Variants in EEA1 observed in about 807,000 individuals in gnomAD.
EEA1 encodes early endosome antigen 1.
EEA1 carries 111 observed loss-of-function variants against 209.2 expected under a neutral mutation model. That is an observed-to-expected ratio of 0.53 (90% CI 0.45 to 0.62). The LOEUF (loss-of-function observed/expected upper bound fraction) is 0.62. EEA1 is among the 20% of genes least tolerant of loss of function. EEA1 has a pLI of 0.00. For synonymous variants in EEA1, 536 were observed against 540.6 expected (o/e 0.99, Z 0.12); for missense variants, 1,343 against 1,530.8 (o/e 0.88, Z 2.05).
At chr12:92,865,656 T>G (rs887386743) in intron 2 of EEA1, among the ~76,000 whole-genome samples, 2 of 152,102 alleles carry the variant, frequency 1.3e-5, no homozygotes, top group African/African-American at 4.8e-5. Flanking sequence ...TTTACAAATT[T>G]TAGGTTGCAA....
Position 92,771,280 on chromosome 12 carries a change from A to G in EEA1, c.*4731T>C, listed in dbSNP as rs968851263. 2 of 152,094 alleles carry G rather than the reference A, an allele frequency of 1.3e-5. No homozygotes were observed. The highest frequency in any genetic ancestry group is 4.8e-5 in the African/African-American group (2 of 41,446). 9.4% of individuals were successfully genotyped at this position (152,094 alleles called of 1,614,324 possible). ...TTGGCTGCAAGACAACTGAAGCCTT[A>G]GCTGATTTTGTTAAGCTGAAGAATG... On this transcript the variant is annotated 3_prime_UTR_variant, in exon 29 of 29. Coordinates refer to ENST00000322349, the MANE Select transcript of EEA1 (RefSeq NM_003566.4).
At chr12:92,845,131 C>T (rs1418161136) in intron 9 of EEA1, among the ~76,000 whole-genome samples, 1 of 151,950 alleles carries the variant, frequency 6.6e-6, no homozygotes, top group Non-Finnish European at 1.5e-5. Context: ...ACACTTTGTA[C>T]AACAAATTTG....
intron 1 of EEA1, among the ~76,000 whole-genome samples, chr12:92,925,181 C>CAAA (rs796274410): frequency 0.027 from 3,212 of 119,770 alleles, 142 homozygotes; most frequent in African/African-American, 0.085. Context: ...AAAGATGTCT[C>CAAA]AAAAAAAAAA....
In EEA1 at chr12:92,842,553, A is replaced by T. The variant is rs1877212321; in HGVS notation, c.827T>A (p.Leu276His). The T allele has an allele frequency of 6.2e-7, 1 of 1,605,994 alleles. No homozygotes were observed. Among genetic ancestry groups the T allele is most frequent in the South Asian group, 1.1e-5 (1 of 88,812 alleles). The change falls in exon 10 of 29, where the codon CTT (leucine) becomes CAT (histidine). Residue 276 changes from leucine to histidine, a missense_variant. Leu to His is a moderately conservative substitution (Grantham distance 99). This residue lies in a region of EEA1 where 1,307 missense variants were observed against 1,465.5 expected (regional missense o/e 0.89). Coordinates refer to ENST00000322349, the MANE Select transcript of EEA1 (RefSeq NM_003566.4). ...AGCAACTTCCTGGGGGCCTTTGGCA[A>T]GTTCACTCCTTAGCTGGCTTATTGT... Reference protein sequence around the residue: ...EATISQLRSELAKGPQEVAVY... With the variant: ...EATISQLRSEHAKGPQEVAVY...
intron 1 of EEA1, among the ~76,000 whole-genome samples, chr12:92,916,947 G>A (rs1335671148): frequency 2.0e-5 from 3 of 151,560 alleles, no homozygotes; most frequent in Non-Finnish European, 4.4e-5. Context: ...CGTGAAGAAC[G>A]CAGAAGCCTC....
intron 3 of EEA1, chr12:92,858,375 T>TTTGA: frequency 9.8e-7 from 1 of 1,020,968 alleles, no homozygotes; most frequent in Non-Finnish European, 1.5e-6. Context: ...TTCCAAAGGG[T>TTTGA]TTGACTACAA....
In EEA1 at chr12:92,816,259, T is replaced by C. The variant is rs745442360; in HGVS notation, c.1870A>G (p.Asn624Asp). 6.2e-7 allele frequency: 1 copy of C among 1,613,880 alleles called. No homozygotes were observed. The highest frequency in any genetic ancestry group is 8.5e-7 in the Non-Finnish European group (1 of 1,179,888). ...TCATTTAATTGACTATTTAATTCAT[T>C]GACACTAGTTTCTAGGGAAAGGACA... is the stretch of plus-strand genomic sequence containing the variant. ...DRVLSLETSV[N>D]ELNSQLNESK... Residue 624 changes from asparagine (N) to aspartate (D), a missense_variant, in exon 15 of 29, where the codon AAT becomes GAT. This residue lies in a region of EEA1 where 1,307 missense variants were observed against 1,465.5 expected (regional missense o/e 0.89). Transcript: ENST00000322349.
At chr12:92,806,961 G>A (rs770849552) in intron 18 of EEA1, among the ~76,000 whole-genome samples, 6 of 148,676 alleles carry the variant, frequency 4.0e-5, no homozygotes, top group South Asian at 2.1e-4. Flanking sequence ...TTTTTGAGAC[G>A]GAGTCTCGCT....
Position 92,864,866 on chromosome 12 carries a change from A to G in EEA1, c.239T>C (p.Leu80Ser). ...CAAAATTATCATACCGTACCGCTTCAAAGCAAGATTAGACTCTCCTCCATG... is the reference window on the plus strand; with the variant it reads ...CAAAATTATCATACCGTACCGCTTCGAAGCAAGATTAGACTCTCCTCCATG... ...SGHGGESNLA[L>S]KRDDVTLLRQ... The change falls in exon 3 of 29, where the codon TTG becomes TCG. Residue 80 changes from leucine to serine, a missense_variant. Transcript: ENST00000322349. 2 of 1,597,042 alleles carry G rather than the reference A, an allele frequency of 1.3e-6. No individual in the cohort carries two copies. Among genetic ancestry groups the G allele is most frequent in the Non-Finnish European group, 1.7e-6 (2 of 1,173,570 alleles).
intron 5 of EEA1, among the ~76,000 whole-genome samples, chr12:92,854,293 T>G (rs1592738038): frequency 2.6e-5 from 4 of 152,356 alleles, no homozygotes; most frequent in Admixed American, 2.6e-4. Context: ...AAACAAATAC[T>G]TAAGTCAACT....
At chr12:92,864,654 C>T (rs182015599) in intron 3 of EEA1, among the ~76,000 whole-genome samples, 86 of 152,038 alleles carry the variant, frequency 5.7e-4, no homozygotes, top group African/African-American at 1.6e-3. Context: ...ACCTATGTAC[C>T]GTATTGTACT....
chr12:92,927,956 G>A (rs1223429297), intron 1 of EEA1, among the ~76,000 whole-genome samples: 2 of 152,166 alleles, frequency 1.3e-5, no homozygotes, highest in South Asian at 4.1e-4. Flanking sequence ...GCAGAAGCAA[G>A]AGCACTCCCT....
At chr12:92,867,401 T>C (rs1435603030) in intron 2 of EEA1, among the ~76,000 whole-genome samples, 3 of 152,140 alleles carry the variant, frequency 2.0e-5, no homozygotes, top group Non-Finnish European at 4.4e-5. Flanking sequence ...CATACTATAT[T>C]TTTCTATATT....
Position 92,814,854 on chromosome 12 carries a change from T to C in EEA1, c.1929+1346A>G, listed in dbSNP as rs188489763. Reference sequence around the variant, plus strand: ...AAAGGTGTATTATGGAACTTTAAACTGAGAAACAGCTTAAAAGCCTCATTT... The same window carrying C: ...AAAGGTGTATTATGGAACTTTAAACCGAGAAACAGCTTAAAAGCCTCATTT... On this transcript the variant is annotated intron_variant, in intron 15 of 28. Transcript: ENST00000322349. 5.3e-5 allele frequency among the ~76,000 whole-genome samples: 8 copies of C among 152,278 alleles called. No individual in the cohort carries two copies. In the East Asian group the frequency reaches 1.5e-3, roughly 29 times the overall value.
intron 1 of EEA1, among the ~76,000 whole-genome samples, chr12:92,903,189 G>A (rs1340522033): frequency 1.3e-5 from 2 of 151,480 alleles, no homozygotes; most frequent in African/African-American, 4.9e-5. Flanking sequence ...CGCCCACCTC[G>A]GCCTCCCAAA....
chr12:92,803,809 AT>A (rs1467938068), intron 18 of EEA1, among the ~76,000 whole-genome samples: 1 of 152,114 alleles, frequency 6.6e-6, no homozygotes, highest in Non-Finnish European at 1.5e-5. Flanking sequence ...TACTAATATT[AT>A]TTTACATTTT....
chr12:92,894,254 C>G (rs141263414), intron 1 of EEA1, among the ~76,000 whole-genome samples: 1 of 152,208 alleles, frequency 6.6e-6, no homozygotes, highest in African/African-American at 2.4e-5. Context: ...TCTCTCCCTT[C>G]TCCTTGAGCC....
At position 92,799,071 on chromosome 12, in the gene EEA1, T is replaced by G. The variant is rs1874782953; in HGVS notation, c.2788A>C (p.Lys930Gln). Reference sequence around the variant, plus strand: ...TCCTGCATTGAATTGAGTTCCAATTTCAACTGATGAGAAGCCTGAAAGAAA... The same window carrying G: ...TCCTGCATTGAATTGAGTTCCAATTGCAACTGATGAGAAGCCTGAAAGAAA... The part of the protein sequence containing the change: ...EKEKEASHQL[K>Q]LELNSMQEQL... The change falls in exon 21 of 29, where the codon AAA becomes CAA. Residue 930 changes from lysine (K) to glutamine (Q), a missense_variant. Lys to Gln is a moderately conservative substitution (Grantham distance 53, BLOSUM62 1). Transcript: ENST00000322349. The G allele has an allele frequency of 6.3e-7, 1 of 1,589,746 alleles. No homozygotes were observed. The highest frequency in any genetic ancestry group is 8.5e-7 in the Non-Finnish European group (1 of 1,172,216).
intron 10 of EEA1, 28 bp from the exon 11 acceptor site, chr12:92,832,878 C>A (rs779385545): frequency 2.0e-6 from 3 of 1,510,054 alleles, no homozygotes; most frequent in Non-Finnish European, 2.7e-6. Flanking sequence ...CAATTTATTT[C>A]CTTTTCTAAT....
Sources: gnomAD v4.1 joint callset for allele counts (sites outside exome capture counted in the v4.1 genomes callset) on GRCh38, gnomAD v4.1.1 for gene constraint, gnomAD v4.1.1 regional missense constraint, MANE v1.5 for transcripts, NCBI Gene and HGNC (gene_info 2026-07-23, HGNC 2026-07-21) for gene names.